Variants in BUD13 observed in about 807,000 individuals in gnomAD.
The protein encoded by BUD13 is BUD13 spliceosome associated protein.
BUD13 carries 47 observed loss-of-function variants against 62.5 expected under a neutral mutation model. That is an observed-to-expected ratio of 0.75 (90% CI 0.60 to 0.96). The LOEUF (loss-of-function observed/expected upper bound fraction) is 0.96. BUD13 is among the 40% of genes least tolerant of loss of function. The pLI, the probability that BUD13 is intolerant of heterozygous loss-of-function variation, is 0.00. For missense variants in BUD13, 821 were observed against 790.9 expected (o/e 1.04, Z -0.46); for synonymous variants, 293 against 280.1 (o/e 1.05, Z -0.46).
chr11:116,760,989 C>A, intron 4 of BUD13, 37 bp from the exon 5 acceptor site: 1 of 1,566,984 alleles, frequency 6.4e-7, no homozygotes, highest in Non-Finnish European at 8.8e-7. Context: ...ACTCTGATGT[C>A]CTCTAGGTGA....
At chr11:116,763,443 A>T (rs539176333) in intron 3 of BUD13, among the ~76,000 whole-genome samples, 177 bp from the exon 4 acceptor site, 1 of 152,248 alleles carries the variant, frequency 6.6e-6, no homozygotes, top group African/African-American at 2.4e-5. Flanking sequence ...TGAATATCTT[A>T]AGAATAACCC....
At chr11:116,758,056 C>A in intron 7 of BUD13, 106 bp from the exon 8 acceptor site, 1 of 1,472,482 alleles carries the variant, frequency 6.8e-7, no homozygotes, top group Non-Finnish European at 9.2e-7. Flanking sequence ...TTTCTAGTAC[C>A]CTAGGGCAAA....
At chr11:116,758,097 C>T in intron 7 of BUD13, 147 bp from the exon 8 acceptor site, 2 of 1,403,094 alleles carry the variant, frequency 1.4e-6, no homozygotes, top group South Asian at 1.4e-5. Context: ...CCAGAATACC[C>T]ACTAGAAGCG....
Position 116,754,874 on chromosome 11 carries a change from C to T in BUD13, c.1766+2272G>A, listed in dbSNP as rs574262407. Among the ~76,000 whole-genome samples, 29 of 152,304 alleles carry T rather than the reference C, an allele frequency of 1.9e-4. 2 individuals are homozygous for T. The South Asian group carries it at 5.8e-3, about 30-fold the overall frequency. ...ATAAAAAGCTATTGTACAAAGTGAG[C>T]TTTACCTGAAGGAAAACAACTGACA... On this transcript the variant is annotated intron_variant, in intron 9 of 9. Coordinates refer to ENST00000260210, the MANE Select transcript of BUD13 (RefSeq NM_032725.4).
chr11:116,755,221 T>A (rs2134173267), intron 9 of BUD13, among the ~76,000 whole-genome samples: 1 of 152,346 alleles, frequency 6.6e-6, no homozygotes, highest in South Asian at 2.1e-4. Context: ...TGATAACATT[T>A]AAACTTTCAA....
intron 9 of BUD13, among the ~76,000 whole-genome samples, chr11:116,748,980 C>CAAAAAAAAAAAAAAAAAAAAAAA (rs58988682): frequency 9.2e-5 from 8 of 87,008 alleles, no homozygotes; most frequent in Non-Finnish European, 1.8e-4. Flanking sequence ...GACTCTGTCT[C>CAAAAAAAAAAAAAAAAAAAAAAA]AAAAAAAAAA....
chr11:116,762,057 T>C (rs78481533), intron 4 of BUD13, among the ~76,000 whole-genome samples: 2,351 of 152,286 alleles, frequency 0.015, 64 homozygotes, highest in African/African-American at 0.054. Flanking sequence ...ATTAGGAAAA[T>C]GGTTAAATTT....
chr11:116,759,877 C>G (rs1472028080), intron 5 of BUD13, among the ~76,000 whole-genome samples: 1 of 152,190 alleles, frequency 6.6e-6, no homozygotes, highest in Non-Finnish European at 1.5e-5. Context: ...TCAGAGTCTT[C>G]TACAGACAAG....
At position 116,748,509 on chromosome 11, in the gene BUD13, G is replaced by A. The variant is rs191786646; in HGVS notation, c.1833C>T (p.Ala611=). Residue 611 remains alanine (A), a synonymous_variant, in exon 10 of 10, where the codon GCC becomes GCT. Transcript: ENST00000260210. The part of the protein sequence containing the change: ...LASKKAVEEL[A]YKWSVEDM Reference sequence around the variant, plus strand: ...ACATATCCTCAACACTCCATTTGTAGGCAAGTTCCTCCACTGCCTTCTTGC... The same window carrying A: ...ACATATCCTCAACACTCCATTTGTAAGCAAGTTCCTCCACTGCCTTCTTGC... 6.2e-5 allele frequency: 100 copies of A among 1,614,214 alleles called. No individual in the cohort carries two copies. The East Asian group carries it at 1.8e-3, about 29-fold the overall frequency.
chr11:116,762,408 T>C (rs886114071), intron 4 of BUD13, 145 bp downstream of exon 4: 12 of 651,444 alleles, frequency 1.8e-5, no homozygotes, highest in Non-Finnish European at 3.1e-5. Context: ...GCCACCATAA[T>C]TGTTCAACTC....
At chr11:116,767,975 AAATAATAAT>A (rs57099961) in intron 2 of BUD13, among the ~76,000 whole-genome samples, 51,184 of 143,498 alleles carry the variant, frequency 0.36, 9,697 homozygotes, top group Non-Finnish European at 0.43. Context: ...CCTGTCTCAA[AAATAATAAT>A]AATAATAATA....
rs145186966 is a variant in BUD13 at position 116,752,399 on chromosome 11, A to G, written c.1767-3824T>C. 5.6e-3 allele frequency among the ~76,000 whole-genome samples: 859 copies of G among 152,322 alleles called. 10 individuals carry two copies. Among genetic ancestry groups the G allele is most frequent in the African/African-American group, 0.02 (816 of 41,566 alleles). On this transcript the variant is annotated intron_variant, in intron 9 of 9. Transcript: ENST00000260210. ...AAAGATGAATAACAAAAAGAAAGCA[A>G]GGGTGACAAAGGGAAATAAGAGAAG...
intron 9 of BUD13, 140 bp from the exon 10 acceptor site, chr11:116,748,715 C>T (rs935734032): frequency 1.1e-4 from 99 of 861,818 alleles, no homozygotes; most frequent in Non-Finnish European, 1.6e-4. Context: ...TGGCCGGGCA[C>T]GGCGGCTCAC....
In BUD13 at chr11:116,755,936, C is replaced by T. The variant is rs144944301; in HGVS notation, c.1766+1210G>A. Among the ~76,000 whole-genome samples, 859 of 152,186 alleles carry T rather than the reference C, an allele frequency of 5.6e-3. 9 individuals carry two copies. Among genetic ancestry groups the T allele is most frequent in the African/African-American group, 0.02 (812 of 41,512 alleles). ...AATTTTTAAGAGCGTAGGCCAGGCA[C>T]GGTGGCTCAAGCGTGTAATCCCAGC... On this transcript the variant is annotated intron_variant, in intron 9 of 9. Coordinates refer to ENST00000260210, the MANE Select transcript of BUD13 (RefSeq NM_032725.4).
intron 4 of BUD13, 83 bp downstream of exon 4, chr11:116,762,470 T>C (rs965547417): frequency 3.6e-5 from 44 of 1,205,760 alleles, no homozygotes; most frequent in Non-Finnish European, 5.0e-5. Flanking sequence ...AATTCCATTC[T>C]TATACCTAAT....
rs1591304738 is a variant in BUD13, at chr11:116,772,938, C to T, written c.27G>A (p.Lys9=). The change falls in exon 1 of 10, where the codon AAG becomes AAA. Residue 9 remains lysine (K), a synonymous_variant. Transcript: ENST00000260210. Reference sequence around the variant, plus strand: ...ACAAGTAACGCTTCAGATACTCGGCCTTGGAAAGCGGCGGAGCTGCCGCCA... The same window carrying T: ...ACAAGTAACGCTTCAGATACTCGGCTTTGGAAAGCGGCGGAGCTGCCGCCA... MAAAPPLS[K]AEYLKRYLSG... The T allele has an allele frequency of 3.8e-6, 6 of 1,576,816 alleles. No homozygotes were observed. The African/African-American group carries it at 5.5e-5, about 14-fold the overall frequency.
At chr11:116,751,761 A>G (rs188917077) in intron 9 of BUD13, among the ~76,000 whole-genome samples, 6 of 152,336 alleles carry the variant, frequency 3.9e-5, no homozygotes, top group African/African-American at 1.4e-4. Context: ...AGTTACACTA[A>G]TATGATAATA....
At chr11:116,757,432 A>G (rs552521159) in intron 8 of BUD13, among the ~76,000 whole-genome samples, 1 of 150,930 alleles carries the variant, frequency 6.6e-6, no homozygotes, top group Non-Finnish European at 1.5e-5. Context: ...ACTAGCCGGG[A>G]TTACAGGCGT....
chr11:116,772,853 G>T lies in BUD13; in HGVS notation c.112C>A (p.Arg38=). Residue 38 remains arginine, a synonymous_variant, in exon 1 of 10, where the codon CGG becomes AGG. Transcript: ENST00000260210. ...SESGRKRRKK[R]PKPGGAGGKG... ...CCGCCGGCCCCGCCAGGCTTCGGCC[G>T]CTTTTTGCGACGCTTGCGACCGGAC... 1 of 1,588,502 alleles carries T rather than the reference G, an allele frequency of 6.3e-7. No individual in the cohort carries two copies. The highest frequency in any genetic ancestry group is 1.1e-5 in the South Asian group (1 of 88,398).
Sources: allele counts gnomAD v4.1 joint callset (sites outside exome capture counted in the v4.1 genomes callset), GRCh38; gene constraint gnomAD v4.1.1; transcripts MANE v1.5; gene names NCBI Gene and HGNC (gene_info 2026-07-23, HGNC 2026-07-21).